The following NCAPG variants were observed in gnomAD, a reference collection of about 807,000 sequenced individuals.
NCAPG encodes the protein condensin complex subunit 3.
NCAPG carries 69 observed loss-of-function variants against 113.1 expected under a neutral mutation model. The observed-to-expected ratio is 0.61, with a 90% CI of 0.50 to 0.75. The LOEUF (loss-of-function observed/expected upper bound fraction) is 0.75, where lower values mean the gene tolerates loss of function less well. Ranked by LOEUF, NCAPG falls within the 30% of genes least tolerant of loss-of-function variation. The pLI, the probability that NCAPG is intolerant of heterozygous loss-of-function variation, is 0.00. For synonymous variants in NCAPG, 370 were observed against 415.8 expected, an observed-to-expected ratio of 0.89 and a Z score of 1.34; for missense variants, 1,058 against 1,177.0, an observed-to-expected ratio of 0.90 and a Z score of 1.48.
intron 6 of NCAPG, 140 bp downstream of exon 6, chr4:17,817,593 A>G (rs1235044065): frequency 2.9e-6 from 2 of 681,926 alleles, no homozygotes; most frequent in African/African-American, 3.7e-5. Context: ...TCTGATGAAT[A>G]TCCTTTTATC....
intron 10 of NCAPG, 104 bp downstream of exon 10, chr4:17,825,161 A>G: frequency 1.1e-6 from 1 of 873,692 alleles, no homozygotes; most frequent in African/African-American, 1.7e-5. Context: ...ACATAATCAA[A>G]TTATTGTTTA....
At position 17,844,789 on chromosome 4, in the gene NCAPG, G is replaced by A. The variant is rs776846934; in HGVS notation, c.*1364G>A. ...CATGGCCAGGCTATCCAAAAAGAAA[G>A]GAGCCATGTTCTCATGTGGTTTACC... On this transcript the variant is annotated 3_prime_UTR_variant, in exon 21 of 21. Transcript: ENST00000251496. The A allele has an allele frequency of 6.6e-6, 1 of 152,366 alleles. No individual in the cohort carries two copies. The highest frequency in any genetic ancestry group is 1.5e-5 in the Non-Finnish European group (1 of 67,898). 9.4% of individuals were successfully genotyped at this position (152,366 alleles called of 1,614,324 possible). A position where few individuals can be genotyped will look rare whatever the true frequency, so the allele number is the denominator to read the frequency against.
intron 13 of NCAPG, 107 bp from the exon 14 acceptor site, chr4:17,834,192 A>G (rs1721988828): frequency 1.5e-6 from 1 of 678,976 alleles, no homozygotes; most frequent in Non-Finnish European, 2.4e-6. Context: ...AGACACTGTC[A>G]TTAAAATTTG....
At chr4:17,833,285 C>T (rs901479471) in intron 13 of NCAPG, among the ~76,000 whole-genome samples, 2 of 151,658 alleles carry the variant, frequency 1.3e-5, no homozygotes, top group Non-Finnish European at 2.9e-5. Flanking sequence ...GCAGGAGAAA[C>T]CCCCATCTAC....
At chr4:17,812,596 C>CT (rs1228779255) in intron 2 of NCAPG, among the ~76,000 whole-genome samples, 172 bp downstream of exon 2, 1 of 152,130 alleles carries the variant, frequency 6.6e-6, no homozygotes, top group African/African-American at 2.4e-5. Context: ...AAAAAGTGGA[C>CT]TTTAACTCCA....
At chr4:17,823,806 T>G in intron 9 of NCAPG, 36 bp downstream of exon 9, 1 of 1,551,040 alleles carries the variant, frequency 6.4e-7, no homozygotes, top group Non-Finnish European at 8.8e-7. Context: ...AAAGAGGTTT[T>G]GGTCAATGAC....
chr4:17,834,312 A>T lies in NCAPG; in HGVS notation c.1898A>T (p.Asp633Val). 1 of 1,587,798 alleles carries T rather than the reference A, an allele frequency of 6.3e-7. No homozygotes were observed. Residue 633 changes from aspartate to valine, a missense_variant, in exon 14 of 21, where the codon GAT (aspartate) becomes GTT (valine). Coordinates refer to ENST00000251496, the MANE Select transcript of NCAPG (RefSeq NM_022346.5). ...FVLLLQVLQI[D>V]DVTIKISALK... is the part of the protein sequence containing the mutation. ...ATCTTGATTTAGGTTTTGCAAATTG[A>T]TGATGTCACAATAAAAATAAGTGCT...
chr4:17,831,148 T>C (rs1721856784), intron 13 of NCAPG, 32 bp downstream of exon 13: 1 of 1,605,942 alleles, frequency 6.2e-7, no homozygotes, highest in Non-Finnish European at 8.5e-7. Context: ...ATCTCAACTG[T>C]ATTTCCTGAA....
intron 13 of NCAPG, among the ~76,000 whole-genome samples, chr4:17,834,034 A>C (rs1005139048): frequency 4.6e-5 from 7 of 152,140 alleles, no homozygotes; most frequent in African/African-American, 1.7e-4. Flanking sequence ...CCTGACTCCA[A>C]CTCCAGAAAT....
At chr4:17,813,554 G>A (rs983499170) in intron 3 of NCAPG, among the ~76,000 whole-genome samples, 4 of 151,866 alleles carry the variant, frequency 2.6e-5, no homozygotes, top group African/African-American at 9.7e-5. Context: ...TTTTCATTGG[G>A]TTTTTAATTT....
At chr4:17,830,934 A>G in intron 12 of NCAPG, 63 bp from the exon 13 acceptor site, 6 of 1,528,208 alleles carry the variant, frequency 3.9e-6, no homozygotes, top group Non-Finnish European at 5.4e-6. Flanking sequence ...CTTTGAGGTA[A>G]TAGACAATAG....
chr4:17,832,311 G>T (rs1033981808), intron 13 of NCAPG, among the ~76,000 whole-genome samples: 2 of 152,156 alleles, frequency 1.3e-5, no homozygotes, highest in Admixed American at 6.5e-5. Flanking sequence ...TGGTTTGGAC[G>T]AGGGTTGTGG....
In NCAPG at chr4:17,844,206, A is replaced by G. The variant is rs1426677739; in HGVS notation, c.*781A>G. 6.6e-6 allele frequency: 1 copy of G among 152,310 alleles called. No individual in the cohort carries two copies. Among genetic ancestry groups the G allele is most frequent in the Non-Finnish European group, 1.5e-5 (1 of 67,862 alleles). 9.4% of individuals were successfully genotyped at this position (152,310 alleles called of 1,614,324 possible). ...GAACTTCTCTTTATATACGCTACCAATTTATGAGCACTATTCACTGTCAAT... is the reference window on the plus strand; with the variant it reads ...GAACTTCTCTTTATATACGCTACCAGTTTATGAGCACTATTCACTGTCAAT... On this transcript the variant is annotated 3_prime_UTR_variant, in exon 21 of 21. Transcript: ENST00000251496.
At position 17,844,458 on chromosome 4, in the gene NCAPG, A is replaced by G. The variant is rs183980939; in HGVS notation, c.*1033A>G. On this transcript the variant is annotated 3_prime_UTR_variant, in exon 21 of 21. Transcript: ENST00000251496. The stretch of plus-strand genomic sequence containing the variant: ...AATTTTAAGATGGAGCTAAAGTAAG[A>G]TCACTGGTTTTTAGAACCAAATTGC... 6.6e-6 allele frequency: 1 copy of G among 152,578 alleles called. No individual in the cohort carries two copies. The highest frequency in any genetic ancestry group is 2.4e-5 in the African/African-American group (1 of 41,566). The allele number at this position is 152,578 out of a possible 1,614,324, so 9.5% of individuals were successfully genotyped here.
chr4:17,823,143 C>A lies in NCAPG; in HGVS notation c.1259+20C>A. 2 of 1,594,198 alleles carry A rather than the reference C, an allele frequency of 1.3e-6. No individual in the cohort carries two copies. Among genetic ancestry groups the A allele is most frequent in the Non-Finnish European group, 1.7e-6 (2 of 1,171,300 alleles). Reference sequence around the variant, plus strand: ...AGGAAGGTATGTCTAAATGTTAACACTCATTCTAATTTGCCCTTCTAATTT... The same window carrying A: ...AGGAAGGTATGTCTAAATGTTAACAATCATTCTAATTTGCCCTTCTAATTT... On this transcript the variant is annotated intron_variant, in intron 8 of 20. Coordinates refer to ENST00000251496, the MANE Select transcript of NCAPG (RefSeq NM_022346.5).
intron 19 of NCAPG, among the ~76,000 whole-genome samples, chr4:17,840,934 G>T (rs1722343905): frequency 1.3e-5 from 2 of 151,992 alleles, no homozygotes; most frequent in African/African-American, 2.4e-5. Context: ...TGATGCAAAA[G>T]ATATTACAAA....
intron 7 of NCAPG, among the ~76,000 whole-genome samples, chr4:17,822,190 C>CT (rs1159844034): frequency 0.033 from 3,722 of 111,708 alleles, 98 homozygotes; most frequent in Non-Finnish European, 0.039. Flanking sequence ...AAGATTAAAT[C>CT]TTTTTTTTTT....
Position 17,817,335 on chromosome 4 carries a change from T to A in NCAPG, c.850T>A (p.Leu284Met). Residue 284 changes from leucine (L) to methionine (M), a missense_variant, in exon 6 of 21, where the codon TTG becomes ATG. By Grantham distance (15) the Leu-to-Met change is conservative. Transcript: ENST00000251496. ...GTTCTCTGAAGGAAATATCTTAGAG[T>A]TGCTCCATCGGTTGGATGTAGAAAA... ...LRFSEGNILE[L>M]LHRLDVENSS... is the part of the protein sequence containing the mutation. The A allele has an allele frequency of 6.2e-7, 1 of 1,614,002 alleles. No homozygotes were observed. The highest frequency in any genetic ancestry group is 8.5e-7 in the Non-Finnish European group (1 of 1,179,960).
rs1722265687 is a variant in NCAPG at position 17,839,801 on chromosome 4, A to G, written c.2592A>G (p.Ala864=). The G allele has an allele frequency of 1.9e-6, 3 of 1,586,530 alleles. No homozygotes were observed. The highest frequency in any genetic ancestry group is 2.6e-6 in the Non-Finnish European group (3 of 1,173,690). The part of the protein sequence containing the change: ...LSSLELSSHL[A]KDLLVLLNEI... ...CTTTAGAACTCAGTAGCCATCTTGC[A>G]AAAGATCTTCTGGTTCTATTGAATG... The change falls in exon 17 of 21, where the codon GCA becomes GCG. Residue 864 remains alanine (A), a synonymous_variant. Transcript: ENST00000251496.
Sources: gnomAD v4.1 joint callset for allele counts (sites outside exome capture counted in the v4.1 genomes callset) on GRCh38, gnomAD v4.1.1 for gene constraint, MANE v1.5 for transcripts, NCBI Gene and HGNC (gene_info 2026-07-23, HGNC 2026-07-21) for gene names.